Variants in MECOM observed in about 807,000 individuals in gnomAD.
MECOM encodes histone-lysine N-methyltransferase MECOM.
In MECOM, 13 loss-of-function variants were observed where a neutral mutation model predicts 116.3. The observed-to-expected ratio is 0.11, with a 90% CI of 0.07 to 0.18. The LOEUF (loss-of-function observed/expected upper bound fraction) is 0.18. Ranked by LOEUF, MECOM falls within the 10% of genes least tolerant of loss-of-function variation. The pLI, the probability that MECOM is intolerant of heterozygous loss-of-function variation, is 1.00. For synonymous variants in MECOM, 528 were observed against 535.2 expected, an observed-to-expected ratio of 0.99 and a Z score of 0.19; for missense variants, 1,299 against 1,509.0, an observed-to-expected ratio of 0.86 and a Z score of 2.31.
intron 2 of MECOM, among the ~76,000 whole-genome samples, chr3:169,361,451 C>T (rs377131135): frequency 1.3e-5 from 2 of 151,762 alleles, no homozygotes; most frequent in Non-Finnish European, 2.9e-5. Flanking sequence ...ATAAAAAGAG[C>T]ACCCTTGACT....
chr3:169,661,183 G>C (rs924248229), intron 1 of MECOM, among the ~76,000 whole-genome samples: 1 of 152,140 alleles, frequency 6.6e-6, no homozygotes, highest in Non-Finnish European at 1.5e-5. Flanking sequence ...TTTGTGTTCT[G>C]CTTTCACTTC....
At chr3:169,193,422 A>C (rs1747980643) in intron 2 of MECOM, among the ~76,000 whole-genome samples, 1 of 151,946 alleles carries the variant, frequency 6.6e-6, no homozygotes, top group Admixed American at 6.6e-5. Context: ...AAATGGGCCA[A>C]TGGCTGTCTT....
intron 12 of MECOM, among the ~76,000 whole-genome samples, chr3:169,099,843 G>A (rs140012849): frequency 8.0e-4 from 121 of 152,014 alleles, no homozygotes; most frequent in African/African-American, 2.8e-3. Flanking sequence ...TTTTAAAATT[G>A]GAAAGAGTAA....
At chr3:169,540,607 T>G (rs115143297) in intron 1 of MECOM, among the ~76,000 whole-genome samples, 1 of 152,322 alleles carries the variant, frequency 6.6e-6, no homozygotes, top group African/African-American at 2.4e-5. Flanking sequence ...TTTTCATTCA[T>G]TCTTTTCACA....
intron 9 of MECOM, among the ~76,000 whole-genome samples, chr3:169,110,429 G>A (rs748943832): frequency 6.8e-6 from 1 of 147,006 alleles, no homozygotes; most frequent in Non-Finnish European, 1.5e-5. Flanking sequence ...ACCCTGGGAA[G>A]GGTAAGACTT....
At chr3:169,433,639 G>GAGAAAGAAGAA (rs1553851606) in intron 1 of MECOM, among the ~76,000 whole-genome samples, 1 of 126,952 alleles carries the variant, frequency 7.9e-6, no homozygotes, top group African/African-American at 3.0e-5. Flanking sequence ...GAAAGAGAAA[G>GAGAAAGAAGAA]AGAAAGAAAG....
Position 169,327,653 on chromosome 3 carries a change from A to G in MECOM, c.375+53534T>C, listed in dbSNP as rs539737249. Among the ~76,000 whole-genome samples, 12 of 151,978 alleles carry G rather than the reference A, an allele frequency of 7.9e-5. No individual in the cohort carries two copies. The South Asian group carries it at 1.7e-3, about 21-fold the overall frequency. ...AGACTGTGTCTCAAAAAAAAAAAAA[A>G]AAAAGAAAAAAAAGCATAAAAACAT... On this transcript the variant is annotated intron_variant, in intron 2 of 16. Transcript: ENST00000651503.
chr3:169,656,890 T>C (rs1577319001), intron 1 of MECOM, among the ~76,000 whole-genome samples: 1 of 152,274 alleles, frequency 6.6e-6, no homozygotes, highest in East Asian at 1.9e-4. Context: ...AGAACAACTA[T>C]GTTTCTATAT....
intron 1 of MECOM, among the ~76,000 whole-genome samples, chr3:169,552,575 T>C (rs776839017): frequency 3.3e-5 from 5 of 152,140 alleles, no homozygotes; most frequent in Admixed American, 3.3e-4. Context: ...ACAGAGAGCT[T>C]ACCACAGTCA....
At position 169,557,545 on chromosome 3, in the gene MECOM, A is replaced by G. The variant is rs151275493; in HGVS notation, c.37+105791T>C. 5.7e-3 allele frequency among the ~76,000 whole-genome samples: 875 copies of G among 152,344 alleles called. 6 individuals carry two copies. The highest frequency in any genetic ancestry group is 0.02 in the African/African-American group (837 of 41,570). On this transcript the variant is annotated intron_variant, in intron 1 of 16. Transcript: ENST00000651503. ...CTTTTCAACAAAAACAACTCGTGGA[A>G]TACTGGAGGCAGATGATATTTCATC... is the stretch of plus-strand genomic sequence containing the variant.
chr3:169,496,405 A>C (rs1753823888), intron 1 of MECOM, among the ~76,000 whole-genome samples: 1 of 152,238 alleles, frequency 6.6e-6, no homozygotes, highest in Non-Finnish European at 1.5e-5. Flanking sequence ...GGATTTCCTC[A>C]AGTTTTCTAA....
chr3:169,444,141 C>G (rs1744209381), intron 1 of MECOM, among the ~76,000 whole-genome samples: 1 of 152,110 alleles, frequency 6.6e-6, no homozygotes, highest in Admixed American at 6.5e-5. Flanking sequence ...CCTGAAGTAT[C>G]ATTTTGATCT....
chr3:169,250,920 A>T (rs1560045928), intron 2 of MECOM, among the ~76,000 whole-genome samples: 1 of 152,116 alleles, frequency 6.6e-6, no homozygotes, highest in Non-Finnish European at 1.5e-5. Flanking sequence ...CCACTTGTTC[A>T]AAACTCACAA....
chr3:169,471,020 T>C (rs1749137975), intron 1 of MECOM, among the ~76,000 whole-genome samples: 1 of 152,066 alleles, frequency 6.6e-6, no homozygotes, highest in African/African-American at 2.4e-5. Flanking sequence ...GGTGTGACCT[T>C]GCCTCACTGC....
At chr3:169,436,916 T>A (rs1214502247) in intron 1 of MECOM, among the ~76,000 whole-genome samples, 1 of 152,180 alleles carries the variant, frequency 6.6e-6, no homozygotes, top group Non-Finnish European at 1.5e-5. Flanking sequence ...AACAGGATTA[T>A]TTTATTCATT....
chr3:169,370,030 T>G (rs1268994204), intron 2 of MECOM, among the ~76,000 whole-genome samples: 1 of 151,986 alleles, frequency 6.6e-6, no homozygotes, highest in African/African-American at 2.4e-5. Context: ...GTGCACTTGC[T>G]TTCTCATAAA....
chr3:169,390,952 G>A (rs1734104927), intron 1 of MECOM, among the ~76,000 whole-genome samples: 1 of 152,146 alleles, frequency 6.6e-6, no homozygotes. Flanking sequence ...ACAAAGATAG[G>A]CATGCAGGAG....
chr3:169,359,386 T>G lies in MECOM; in HGVS notation c.375+21801A>C, dbSNP rs563864458. ...AATTGGAGATCTATGTTTCTATCAA[T>G]CAGTTATGGTAGGTGAGTAAGGAAT... On this transcript the variant is annotated intron_variant, in intron 2 of 16. Coordinates refer to ENST00000651503, the MANE Select transcript of MECOM (RefSeq NM_004991.4). 1.8e-4 allele frequency among the ~76,000 whole-genome samples: 27 copies of G among 151,824 alleles called. No individual in the cohort carries two copies. In the South Asian group the frequency reaches 5.4e-3, roughly 30 times the overall value.
At chr3:169,229,791 T>C (rs1165262007) in intron 2 of MECOM, among the ~76,000 whole-genome samples, 1 of 152,152 alleles carries the variant, frequency 6.6e-6, no homozygotes, top group Non-Finnish European at 1.5e-5. Context: ...AACACACTAA[T>C]ATAAGAGACT....
Sources: allele counts gnomAD v4.1 joint callset (sites outside exome capture counted in the v4.1 genomes callset), GRCh38; gene constraint gnomAD v4.1.1; transcripts MANE v1.5; gene names NCBI Gene and HGNC (gene_info 2026-07-23, HGNC 2026-07-21).